The following TEX11 variants were observed in gnomAD, a reference collection of about 807,000 sequenced individuals.
TEX11 encodes the protein testis-expressed protein 11.
A neutral mutation model predicts 84.4 loss-of-function variants in TEX11; 7 were observed. The observed-to-expected ratio is 0.08, with a 90% confidence interval of 0.05 to 0.16. TEX11 has a LOEUF of 0.16. Among genes scored for constraint, TEX11 ranks in the 10% least tolerant of loss-of-function variants. The pLI, the probability that TEX11 is intolerant of heterozygous loss-of-function variation, is 1.00. For missense variants in TEX11, 551 were observed against 660.5 expected (o/e 0.83, Z 1.82); for synonymous variants, 264 against 222.8 (o/e 1.18, Z -1.64).
intron 17 of TEX11, among the ~76,000 whole-genome samples, chrX:70,644,089 AC>A (rs1370262128): frequency 1.0e-5 from 1 of 95,559 alleles, no homozygotes; most frequent in African/African-American, 3.8e-5. Context: ...AAAAAAAACA[AC>A]CCCATCAAAA....
intron 25 of TEX11, among the ~76,000 whole-genome samples, chrX:70,588,411 T>C (rs756687539): frequency 9.0e-6 from 1 of 111,288 alleles, no homozygotes; most frequent in South Asian, 3.8e-4. Flanking sequence ...TGAGTTCTCA[T>C]GAGATCTGAT....
At chrX:70,779,876 T>A (rs568917953) in intron 9 of TEX11, among the ~76,000 whole-genome samples, 2 of 111,980 alleles carry the variant, frequency 1.8e-5, no homozygotes, top group South Asian at 7.5e-4. Context: ...TTAAATCCAG[T>A]AATAAAATGT....
At chrX:70,841,614 A>G (rs1452992510) in intron 7 of TEX11, among the ~76,000 whole-genome samples, 2 of 110,985 alleles carry the variant, frequency 1.8e-5, no homozygotes, top group Non-Finnish European at 3.8e-5. Context: ...AGCAGAAGGC[A>G]AGAAATAACT....
chrX:70,687,236 T>A (rs773421322), intron 13 of TEX11, among the ~76,000 whole-genome samples: 2 of 111,381 alleles, frequency 1.8e-5, no homozygotes, highest in East Asian at 5.6e-4. Flanking sequence ...TTAATCCACT[T>A]CCAAGTATTT....
Position 70,713,558 on chromosome X carries a change from G to T in TEX11, c.1004+9060C>A, listed in dbSNP as rs774973419. 6.8e-4 allele frequency among the ~76,000 whole-genome samples: 76 copies of T among 112,028 alleles called. No homozygotes were observed. In the East Asian group the frequency reaches 0.018, roughly 27 times the overall value. ...TCAAGGAATTTATCCATTTCTTCTA[G>T]ATTTTCTAGTTTGTTTGTGTAGAGG... On this transcript the variant is annotated intron_variant, in intron 13 of 29. Coordinates refer to ENST00000374333, the MANE Select transcript of TEX11 (RefSeq NM_031276.3).
chrX:70,576,654 T>C (rs1438917353), intron 25 of TEX11, among the ~76,000 whole-genome samples: 1 of 112,416 alleles, frequency 8.9e-6, no homozygotes, highest in East Asian at 2.8e-4. Flanking sequence ...TAAGAATATA[T>C]ATATGTGTGC....
At chrX:70,592,693 A>G (rs1477082936) in intron 24 of TEX11, among the ~76,000 whole-genome samples, 2 of 110,664 alleles carry the variant, frequency 1.8e-5, no homozygotes, top group Non-Finnish European at 3.8e-5. Context: ...CCACTCATAC[A>G]ATTGGATTGT....
At chrX:70,573,069 A>C (rs1395118615) in intron 25 of TEX11, among the ~76,000 whole-genome samples, 1 of 111,905 alleles carries the variant, frequency 8.9e-6, no homozygotes, top group Non-Finnish European at 1.9e-5. Flanking sequence ...ATAATAAGAT[A>C]TATATTGGGA....
intron 17 of TEX11, among the ~76,000 whole-genome samples, chrX:70,635,234 C>T (rs1421057433): frequency 1.8e-5 from 2 of 112,118 alleles, no homozygotes; most frequent in African/African-American, 3.2e-5. Flanking sequence ...AACCCCAGGC[C>T]ATAGAGCATG....
chrX:70,712,867 C>T (rs1368446777), intron 13 of TEX11, among the ~76,000 whole-genome samples: 9 of 111,342 alleles, frequency 8.1e-5, no homozygotes, highest in Non-Finnish European at 1.7e-4. Flanking sequence ...CTGTCTTGTG[C>T]CGGTTTTCAA....
intron 29 of TEX11, 44 bp downstream of exon 29, chrX:70,529,791 G>A: frequency 2.6e-6 from 3 of 1,153,642 alleles, no homozygotes; most frequent in Non-Finnish European, 3.5e-6. Context: ...ATAACCTCTT[G>A]CCCCCTAGGT....
chrX:70,805,458 C>T (rs1402830339), intron 9 of TEX11, among the ~76,000 whole-genome samples: 1 of 105,555 alleles, frequency 9.5e-6, no homozygotes, highest in African/African-American at 3.5e-5. Context: ...TGGAGTGCAG[C>T]GGTGCGATAT....
intron 17 of TEX11, among the ~76,000 whole-genome samples, chrX:70,632,829 C>T (rs2089526554): frequency 9.0e-6 from 1 of 111,180 alleles, no homozygotes; most frequent in South Asian, 3.8e-4. Flanking sequence ...TTAGATGAAA[C>T]AAATTTTTGA....
intron 9 of TEX11, among the ~76,000 whole-genome samples, chrX:70,761,241 C>T (rs1343676867): frequency 1.8e-5 from 2 of 111,591 alleles, no homozygotes; most frequent in Non-Finnish European, 3.8e-5. Context: ...ACCATTTGAC[C>T]CAGCCATCCC....
At chrX:70,732,584 C>A (rs1056029359) in intron 11 of TEX11, among the ~76,000 whole-genome samples, 2 of 111,341 alleles carry the variant, frequency 1.8e-5, no homozygotes, top group African/African-American at 6.5e-5. Flanking sequence ...CCTAGGAATC[C>A]AACTTACAAA....
intron 8 of TEX11, among the ~76,000 whole-genome samples, chrX:70,822,979 C>G (rs991760871): frequency 9.2e-6 from 1 of 109,163 alleles, no homozygotes; most frequent in African/African-American, 3.4e-5. Flanking sequence ...TAAGCCCCAC[C>G]TCCAACATTA....
intron 25 of TEX11, among the ~76,000 whole-genome samples, chrX:70,575,756 C>A (rs1162337377): frequency 8.9e-6 from 1 of 111,937 alleles, no homozygotes; most frequent in Non-Finnish European, 1.9e-5. Context: ...CACTATATAA[C>A]CCCTGAATAA....
chrX:70,799,621 T>C (rs941735221), intron 9 of TEX11, among the ~76,000 whole-genome samples: 1 of 112,331 alleles, frequency 8.9e-6, no homozygotes, highest in African/African-American at 3.2e-5. Flanking sequence ...CCACTTCCAC[T>C]TCTTGGTAGC....
At chrX:70,797,936 A>T (rs1256696933) in intron 9 of TEX11, among the ~76,000 whole-genome samples, 1 of 96,352 alleles carries the variant, frequency 1.0e-5, no homozygotes, top group African/African-American at 3.8e-5. Flanking sequence ...TTCCTCTAAC[A>T]TAGGAAAAAA....
Sources: gnomAD v4.1 joint callset for allele counts (sites outside exome capture counted in the v4.1 genomes callset) on GRCh38, gnomAD v4.1.1 for gene constraint, MANE v1.5 for transcripts, NCBI Gene and HGNC (gene_info 2026-07-23, HGNC 2026-07-21) for gene names.